Variants in HDAC4 observed in about 807,000 individuals in gnomAD.
HDAC4 encodes the protein histone deacetylase A.
Under a neutral mutation model 135.1 loss-of-function variants are expected in HDAC4, and 16 were observed. That is an observed-to-expected ratio of 0.12 (90% CI 0.08 to 0.18). The LOEUF (loss-of-function observed/expected upper bound fraction) is 0.18, where lower values mean the gene tolerates loss of function less well. Ranked by LOEUF, HDAC4 falls within the 10% of genes least tolerant of loss-of-function variation. The pLI is 1.00. For synonymous variants in HDAC4, 685 were observed against 653.4 expected (o/e 1.05, Z -0.74); for missense variants, 1,143 against 1,511.8 (o/e 0.76, Z 4.05).
Position 239,050,190 on chromosome 2 carries a change from T to TC in HDAC4, c.*2906dup, listed in dbSNP as rs1242341384. ...AGTGAGCTGACAGATGAAACGTGCCTCCCCCTGCCAGGCCTTTGCAGAGGG... is the reference window on the plus strand; with the variant it reads ...AGTGAGCTGACAGATGAAACGTGCCTCCCCCCTGCCAGGCCTTTGCAGAGGG... On this transcript the variant is annotated 3_prime_UTR_variant, in exon 27 of 27. Coordinates refer to ENST00000543185, the MANE Select transcript of HDAC4 (RefSeq NM_001378414.1). 6.6e-6 allele frequency: 1 copy of TC among 152,218 alleles called. No homozygotes were observed. The highest frequency in any genetic ancestry group is 1.5e-5 in the Non-Finnish European group (1 of 68,022). The allele number at this position is 152,218 out of a possible 1,614,324, so 9.4% of individuals were successfully genotyped here. A position where few individuals can be genotyped will look rare whatever the true frequency, so the allele number is the denominator to read the frequency against.
Position 239,115,818 on chromosome 2 carries a change from G to A in HDAC4, c.1534-508C>T, listed in dbSNP as rs1463251700. Among the ~76,000 whole-genome samples, 1 of 151,156 alleles carries A rather than the reference G, an allele frequency of 6.6e-6. No homozygotes were observed. Among genetic ancestry groups the A allele is most frequent in the Admixed American group, 6.6e-5 (1 of 15,180 alleles). ...CCCTCCTGCAGGATCCCACCGATGT[G>A]CCATGACCTCCCTCCTGCCGGATCC... On this transcript the variant is annotated intron_variant, in intron 12 of 26. Transcript: ENST00000543185. This position sits in a 1 kb window ranked among gnomAD's most constrained non-coding sequence, Gnocchi z 6.3.
intron 1 of HDAC4, among the ~76,000 whole-genome samples, chr2:239,391,683 A>T (rs2126106999): frequency 6.6e-6 from 1 of 152,324 alleles, no homozygotes; most frequent in South Asian, 2.1e-4. Context: ...GGAACACAGG[A>T]CATCACTGCA....
At position 239,108,232 on chromosome 2, in the gene HDAC4, C is replaced by T. The variant is rs777541299; in HGVS notation, c.1979-49G>A. 1.7e-5 allele frequency: 27 copies of T among 1,562,620 alleles called. No individual in the cohort carries two copies. The African/African-American group carries it at 2.0e-4, about 12-fold the overall frequency. On this transcript the variant is annotated intron_variant, in intron 14 of 26. Transcript: ENST00000543185. ...GATCAGCGCACATCCAGGGGCGAGCCGACCACCCACTGGCAGGCTGCCCCC... is the reference window on the plus strand; with the variant it reads ...GATCAGCGCACATCCAGGGGCGAGCTGACCACCCACTGGCAGGCTGCCCCC...
At chr2:239,168,145 A>G (rs962977204) in intron 5 of HDAC4, among the ~76,000 whole-genome samples, 1 of 152,222 alleles carries the variant, frequency 6.6e-6, no homozygotes, top group Non-Finnish European at 1.5e-5. Context: ...CTTCATGGAA[A>G]GGACACCTAA....
chr2:239,195,516 A>G (rs1427604123), intron 3 of HDAC4, among the ~76,000 whole-genome samples: 1 of 152,132 alleles, frequency 6.6e-6, no homozygotes, highest in Non-Finnish European at 1.5e-5. Context: ...GAGAACCACA[A>G]TCGCATTCAC....
At chr2:239,170,272 G>C (rs2043369160) in intron 5 of HDAC4, among the ~76,000 whole-genome samples, 2 of 152,108 alleles carry the variant, frequency 1.3e-5, no homozygotes, top group African/African-American at 4.8e-5. Flanking sequence ...ATACAGTTTA[G>C]ATTATATCCC....
At chr2:239,116,924 C>T (rs1336931174) in intron 12 of HDAC4, among the ~76,000 whole-genome samples, 1 of 152,222 alleles carries the variant, frequency 6.6e-6, no homozygotes, top group Non-Finnish European at 1.5e-5. Context: ...ATGTGCCCTC[C>T]TCCAGCACCC....
At chr2:239,055,533 G>A (rs1259497113) in intron 24 of HDAC4, among the ~76,000 whole-genome samples, 3 of 152,096 alleles carry the variant, frequency 2.0e-5, no homozygotes, top group South Asian at 2.1e-4. Context: ...CCTGGGCAAC[G>A]TGGTGAAACT....
chr2:239,178,558 CT>C (rs2043924081), intron 4 of HDAC4, among the ~76,000 whole-genome samples: 1 of 152,158 alleles, frequency 6.6e-6, no homozygotes. Context: ...ACGTTTTCTT[CT>C]TTTTTGATGA....
rs56219954 is a variant in HDAC4 at position 239,150,782 on chromosome 2, T to C, written c.733+5870A>G. On this transcript the variant is annotated intron_variant, in intron 7 of 26. Transcript: ENST00000543185. ...CACATACAGCAGCAGGAAGTCTCACTACGCTGCACCTCCTGAAGTATATAC... is the reference window on the plus strand; with the variant it reads ...CACATACAGCAGCAGGAAGTCTCACCACGCTGCACCTCCTGAAGTATATAC... 7.2e-3 allele frequency among the ~76,000 whole-genome samples: 898 copies of C among 124,528 alleles called. 5 individuals are homozygous for C. Among genetic ancestry groups the C allele is most frequent in the African/African-American group, 0.036 (812 of 22,370 alleles). 81.7% of individuals were successfully genotyped at this position (124,528 alleles called of 152,430 possible).
At chr2:239,254,218 C>T (rs1295438468) in intron 2 of HDAC4, among the ~76,000 whole-genome samples, 3 of 152,014 alleles carry the variant, frequency 2.0e-5, no homozygotes, top group African/African-American at 4.8e-5. Flanking sequence ...ATCCACAGCA[C>T]ACAAAACACA....
chr2:239,213,240 G>A (rs1317296505), intron 3 of HDAC4, among the ~76,000 whole-genome samples: 2 of 10,690 alleles, frequency 1.9e-4, no homozygotes, highest in Non-Finnish European at 4.8e-4. Flanking sequence ...GGAGGGGCGG[G>A]CGGGGCACAG....
chr2:239,160,875 ACTGCCTGCCTGTTTTCCCACG>A (rs2042748972), intron 6 of HDAC4, among the ~76,000 whole-genome samples: 1 of 152,184 alleles, frequency 6.6e-6, no homozygotes, highest in South Asian at 2.1e-4. Flanking sequence ...TTTGTAGGAA[ACTGCCTGCCTGTTTTCCCACG>A]TGTGATTCAG....
rs573502160 is a variant in HDAC4, at chr2:239,314,316, C to T, written c.22+38362G>A. ...AGGAAAATCAGGCACTGACCCAAAACACATACGAAGGACACTCGACAAAAC... is the reference window on the plus strand; with the variant it reads ...AGGAAAATCAGGCACTGACCCAAAATACATACGAAGGACACTCGACAAAAC... On this transcript the variant is annotated intron_variant, in intron 2 of 26. Transcript: ENST00000543185. 2.0e-5 allele frequency among the ~76,000 whole-genome samples: 3 copies of T among 152,312 alleles called. No homozygotes were observed. In the East Asian group the frequency reaches 5.8e-4, roughly 29 times the overall value.
chr2:239,094,609 G>A (rs2036827493), intron 17 of HDAC4: 2 of 1,142,660 alleles, frequency 1.8e-6, no homozygotes, highest in African/African-American at 1.6e-5. Flanking sequence ...TGCACTGGGA[G>A]CCCCACCTGT....
At chr2:239,102,559 C>T in intron 16 of HDAC4, 2 of 578,492 alleles carry the variant, frequency 3.5e-6, no homozygotes, top group Non-Finnish European at 6.2e-6. Flanking sequence ...CAACGGTTCT[C>T]AGCCCAGTTT....
At chr2:239,149,269 TG>T (rs1283131144) in intron 7 of HDAC4, among the ~76,000 whole-genome samples, 1 of 151,750 alleles carries the variant, frequency 6.6e-6, no homozygotes. Context: ...GGTGTGGTAG[TG>T]GCACCTGTAG....
intron 3 of HDAC4, among the ~76,000 whole-genome samples, chr2:239,204,611 C>T (rs2045938257): frequency 6.6e-6 from 1 of 152,166 alleles, no homozygotes; most frequent in Non-Finnish European, 1.5e-5. Flanking sequence ...AAAAGAGGGT[C>T]CGTGGAGGGC....
Position 239,134,398 on chromosome 2 carries a change from G to C in HDAC4, c.1141C>G (p.Leu381Val), listed in dbSNP as rs748009148. ...QDAERLTLPA[L>V]QQRLSLFPGT... is the part of the protein sequence containing the mutation. ...GGGAAAAGGGAGAGCCTCTGCTGGAGGGCGGGAAGGGTGAGTCTCTCGGCG... is the reference window on the plus strand; with the variant it reads ...GGGAAAAGGGAGAGCCTCTGCTGGACGGCGGGAAGGGTGAGTCTCTCGGCG... The change falls in exon 11 of 27, where the codon CTC becomes GTC. Residue 381 changes from leucine to valine, a missense_variant. This residue lies in a region of HDAC4 where 272 missense variants were observed against 309.7 expected (regional missense o/e 0.88). Coordinates refer to ENST00000543185, the MANE Select transcript of HDAC4 (RefSeq NM_001378414.1). 6.2e-7 allele frequency: 1 copy of C among 1,613,870 alleles called. No individual in the cohort carries two copies. The highest frequency in any genetic ancestry group is 1.1e-5 in the South Asian group (1 of 91,066).
Sources: gnomAD v4.1 joint callset for allele counts (sites outside exome capture counted in the v4.1 genomes callset) on GRCh38, gnomAD v4.1.1 for gene constraint, gnomAD v4.1.1 regional missense constraint, Gnocchi (gnomAD v3.1) non-coding constraint, MANE v1.5 for transcripts, NCBI Gene and HGNC (gene_info 2026-07-23, HGNC 2026-07-21) for gene names.